Variants in GON4L observed in about 807,000 individuals in gnomAD.
GON4L encodes gon-4 like.
In GON4L, 87 loss-of-function variants were observed where a neutral mutation model predicts 211.8. The ratio of observed to expected loss-of-function variants is 0.41; its 90% CI spans 0.35 to 0.49. GON4L has a LOEUF of 0.49. GON4L is among the 20% of genes least tolerant of loss of function. GON4L has a pLI of 0.15. For synonymous variants in GON4L, 875 were observed against 962.6 expected (o/e 0.91, Z 1.68); for missense variants, 2,155 against 2,659.5 (o/e 0.81, Z 4.17).
downstream of GON4L, chr1:155,749,308 T>G: frequency 2.5e-6 from 4 of 1,612,636 alleles, no homozygotes. Flanking sequence ...TAATGGTGGT[T>G]TTGGCTTTGT....
At chr1:155,746,951 A>G (rs1405360467), downstream of GON4L, 2 of 1,602,010 alleles carry the variant, frequency 1.2e-6, no homozygotes, top group Admixed American at 1.7e-5. Flanking sequence ...CGGGGATTTT[A>G]ATCATTTTAA....
chr1:155,808,410 T>A (rs1287656358), intron 10 of GON4L, among the ~76,000 whole-genome samples: 1 of 152,156 alleles, frequency 6.6e-6, no homozygotes, highest in Non-Finnish European at 1.5e-5. Flanking sequence ...ATCTAGCTCT[T>A]GCCTTGCTCT....
intron 2 of GON4L, among the ~76,000 whole-genome samples, chr1:155,836,499 C>T (rs982587521): frequency 2.6e-5 from 4 of 152,178 alleles, no homozygotes; most frequent in Admixed American, 6.5e-5. Context: ...CCCCCCGCCT[C>T]GGCCTCCCAG....
At chr1:155,831,282 C>G (rs1281361021) in intron 2 of GON4L, among the ~76,000 whole-genome samples, 1 of 151,858 alleles carries the variant, frequency 6.6e-6, no homozygotes, top group Non-Finnish European at 1.5e-5. Context: ...CTAGGTAACA[C>G]GGTGGGACCC....
intron 28 of GON4L, 130 bp downstream of exon 28, chr1:155,754,245 G>A: frequency 2.7e-6 from 2 of 742,654 alleles, no homozygotes; most frequent in Non-Finnish European, 4.9e-6. Context: ...TTTTGCATAT[G>A]TACACATATG....
In GON4L at chr1:155,804,998, G is replaced by T; in HGVS notation, c.1596C>A (p.Asp532Glu). 6.2e-7 allele frequency: 1 copy of T among 1,613,816 alleles called. No homozygotes were observed. Among genetic ancestry groups the T allele is most frequent in the Non-Finnish European group, 8.5e-7 (1 of 1,179,858 alleles). The change falls in exon 11 of 32, where the codon GAC becomes GAA. Residue 532 changes from aspartate (D) to glutamate (E), a missense_variant. Asp to Glu is a conservative substitution (Grantham distance 45, BLOSUM62 2). Around this residue, in one of 6 missense-constraint regions of GON4L, gnomAD observed 551 missense variants for 854.0 expected, o/e 0.65. Coordinates refer to ENST00000368331, the MANE Select transcript of GON4L (RefSeq NM_001282860.2). ...TAAGTCCCCCCAGCCACATCTTCCA[G>T]TCCTCATCATCTGCCGTATTGGGGT... ...MYDPNTADDEDWKMWLGGLMN... is the reference protein window; with the variant it reads ...MYDPNTADDEEWKMWLGGLMN...
At chr1:155,764,004 A>C (rs1294991462) in intron 21 of GON4L, among the ~76,000 whole-genome samples, 1 of 29,078 alleles carries the variant, frequency 3.4e-5, no homozygotes, top group Non-Finnish European at 2.4e-4. Context: ...CTCCATCTCA[A>C]AACAAAAACA....
upstream of GON4L, chr1:155,857,409 G>C (rs1437850630): frequency 6.6e-6 from 1 of 152,274 alleles, no homozygotes; most frequent in East Asian, 1.9e-4. Flanking sequence ...TCAAAACTGA[G>C]GTTAAGATTC....
chr1:155,750,369 C>T lies in GON4L; in HGVS notation c.*215G>A. On this transcript the variant is annotated 3_prime_UTR_variant, in exon 32 of 32. Transcript: ENST00000368331. ...CACTCTCGATGCTATTTACAGAGGA[C>T]ATCTGTAAAGTCTTCATAAAAGACC... 1 of 654,868 alleles carries T rather than the reference C, an allele frequency of 1.5e-6. No individual in the cohort carries two copies. The highest frequency in any genetic ancestry group is 2.7e-5 in the East Asian group (1 of 36,686). 40.6% of individuals were successfully genotyped at this position (654,868 alleles called of 1,614,324 possible). A position where few individuals can be genotyped will look rare whatever the true frequency, so the allele number is the denominator to read the frequency against.
rs1553202066 is a variant in GON4L at position 155,779,264 on chromosome 1, A to AAG, written c.1893-1445_1893-1444insCT. On this transcript the variant is annotated intron_variant, in intron 14 of 31. Transcript: ENST00000368331. ...GCAAGACTCTGTCTCAAAAAAAAAAAAAAAAAAAAAGAAAAAAGAAAGAAA... is the reference window on the plus strand; with the variant it reads ...GCAAGACTCTGTCTCAAAAAAAAAAAAGAAAAAAAAAAGAAAAAAGAAAGAAA... Among the ~76,000 whole-genome samples, 111 of 143,782 alleles carry AAG rather than the reference A, an allele frequency of 7.7e-4. 3 individuals are homozygous for AAG. Among genetic ancestry groups the AAG allele is most frequent in the East Asian group, 4.5e-3 (22 of 4,846 alleles). 94.3% of individuals were successfully genotyped at this position (143,782 alleles called of 152,430 possible). A position where few individuals can be genotyped will look rare whatever the true frequency, so the allele number is the denominator to read the frequency against.
At chr1:155,798,225 T>G (rs1444699213) in intron 11 of GON4L, among the ~76,000 whole-genome samples, 2 of 149,568 alleles carry the variant, frequency 1.3e-5, no homozygotes, top group Non-Finnish European at 3.0e-5. Flanking sequence ...TACTCAACAT[T>G]TATACTCAGC....
rs777417019 is a variant in GON4L, at chr1:155,811,391, C to CAAAAAAAAA, written c.1452+2234_1452+2242dup. Among the ~76,000 whole-genome samples the CAAAAAAAAA allele has an allele frequency of 3.6e-4, 12 of 33,162 alleles. 1 individual carries two copies. Among genetic ancestry groups the CAAAAAAAAA allele is most frequent in the Admixed American group, 1.9e-3 (3 of 1,598 alleles). 21.8% of individuals were successfully genotyped at this position (33,162 alleles called of 152,430 possible). On this transcript the variant is annotated intron_variant, in intron 10 of 31. Coordinates refer to ENST00000368331, the MANE Select transcript of GON4L (RefSeq NM_001282860.2). ...TAGAGGACAGAGCAAGACTCCGTCT[C>CAAAAAAAAA]AAAAAAAAAAAAAAAAAAAAAAAAA...
chr1:155,786,426 A>C (rs1239726417), intron 12 of GON4L, among the ~76,000 whole-genome samples: 2 of 152,002 alleles, frequency 1.3e-5, no homozygotes, highest in African/African-American at 4.8e-5. Flanking sequence ...GCTACTCAAG[A>C]GGCTGAGGTG....
At chr1:155,840,089 A>G (rs1670641935) in intron 2 of GON4L, among the ~76,000 whole-genome samples, 1 of 152,150 alleles carries the variant, frequency 6.6e-6, no homozygotes, top group African/African-American at 2.4e-5. Flanking sequence ...TTTAGCTTAG[A>G]GGTCTATAAA....
At chr1:155,805,765 C>T (rs1264278407) in intron 10 of GON4L, among the ~76,000 whole-genome samples, 3 of 151,930 alleles carry the variant, frequency 2.0e-5, no homozygotes, top group African/African-American at 7.3e-5. Context: ...TCTCGGCTCA[C>T]TGCAACCTCT....
chr1:155,816,813 T>C (rs955480862), intron 6 of GON4L, among the ~76,000 whole-genome samples: 6 of 148,064 alleles, frequency 4.1e-5, no homozygotes, highest in African/African-American at 1.5e-4. Context: ...CCAGGGCATT[T>C]AGGGCAAAGT....
chr1:155,814,804 T>C (rs181290727), intron 8 of GON4L, among the ~76,000 whole-genome samples: 41 of 151,362 alleles, frequency 2.7e-4, no homozygotes, highest in African/African-American at 9.9e-4. Context: ...TAACAGAAAA[T>C]AAAATTTAAA....
chr1:155,855,236 T>C (rs1483882254), intron 1 of GON4L, among the ~76,000 whole-genome samples: 2 of 152,210 alleles, frequency 1.3e-5, no homozygotes, highest in African/African-American at 4.8e-5. Context: ...AAACCTCTTT[T>C]ACGGTACTTA....
At chr1:155,792,650 A>G (rs1419959973) in intron 12 of GON4L, among the ~76,000 whole-genome samples, 1 of 152,230 alleles carries the variant, frequency 6.6e-6, no homozygotes, top group Non-Finnish European at 1.5e-5. Context: ...AACAATCAAA[A>G]AGGGAAGGCA....
Sources: gnomAD v4.1 joint callset for allele counts (sites outside exome capture counted in the v4.1 genomes callset) on GRCh38, gnomAD v4.1.1 for gene constraint, gnomAD v4.1.1 regional missense constraint, MANE v1.5 for transcripts, NCBI Gene and HGNC (gene_info 2026-07-23, HGNC 2026-07-21) for gene names.